Variants in OPCML observed in about 807,000 individuals in gnomAD.
OPCML encodes the protein opioid-binding protein/cell adhesion molecule.
In OPCML, 13 loss-of-function variants were observed where a neutral mutation model predicts 37.8. The ratio of observed to expected loss-of-function variants is 0.34; its 90% CI spans 0.22 to 0.55. The LOEUF (loss-of-function observed/expected upper bound fraction) is 0.55. Among genes scored for constraint, OPCML ranks in the 20% least tolerant of loss-of-function variants. OPCML has a pLI of 0.91. For synonymous variants in OPCML, 176 were observed against 168.8 expected (o/e 1.04, Z -0.33); for missense variants, 341 against 435.6 (o/e 0.78, Z 1.93).
chr11:133,156,659 C>T (rs1950066829), intron 1 of OPCML, among the ~76,000 whole-genome samples: 1 of 152,080 alleles, frequency 6.6e-6, no homozygotes, highest in South Asian at 2.1e-4. Context: ...AACAATTTAC[C>T]ACAAGGCTAC....
chr11:133,353,038 T>A (rs958945354), intron 1 of OPCML, among the ~76,000 whole-genome samples: 2 of 152,248 alleles, frequency 1.3e-5, no homozygotes, highest in Admixed American at 1.3e-4. Flanking sequence ...AGGCTGTATG[T>A]CTAAATATCT....
At position 133,532,472 on chromosome 11, in the gene OPCML, G is replaced by C; in HGVS notation, c.-148C>G. 1.1e-6 allele frequency: 1 copy of C among 875,372 alleles called. No individual in the cohort carries two copies. Among genetic ancestry groups the C allele is most frequent in the Non-Finnish European group, 1.8e-6 (1 of 550,904 alleles). 54.2% of individuals were successfully genotyped at this position (875,372 alleles called of 1,614,324 possible). A position where few individuals can be genotyped will look rare whatever the true frequency, so the allele number is the denominator to read the frequency against. On this transcript the variant is annotated 5_prime_UTR_variant, in exon 1 of 8. Transcript: ENST00000524381. ...AGAGCAGAAGAGAGAGAGAGCGCGC[G>C]AGAGATGGGAGCAGGCAGGCAGCGT...
intron 1 of OPCML, among the ~76,000 whole-genome samples, chr11:133,467,741 C>T (rs1032212547): frequency 2.6e-5 from 4 of 152,110 alleles, no homozygotes; most frequent in South Asian, 4.1e-4. Flanking sequence ...TCTGACTCCC[C>T]GGCCTTCTTC....
chr11:132,923,492 T>C (rs1416975511), intron 2 of OPCML, among the ~76,000 whole-genome samples: 1 of 152,180 alleles, frequency 6.6e-6, no homozygotes, highest in Non-Finnish European at 1.5e-5. Flanking sequence ...ATCTGAAAGA[T>C]GAGTAAGACC....
At chr11:133,203,562 T>G (rs1488709791) in intron 1 of OPCML, among the ~76,000 whole-genome samples, 1 of 152,164 alleles carries the variant, frequency 6.6e-6, no homozygotes, top group Admixed American at 6.5e-5. Context: ...TTGTGAGTTA[T>G]CTGTATAAAG....
rs368915223 is a variant in OPCML, at chr11:132,595,963, C to T, written c.379+61124G>A. 2.0e-5 allele frequency among the ~76,000 whole-genome samples: 3 copies of T among 152,138 alleles called. No homozygotes were observed. In the East Asian group the frequency reaches 5.8e-4, roughly 29 times the overall value. On this transcript the variant is annotated intron_variant, in intron 3 of 7. Coordinates refer to ENST00000524381, the MANE Select transcript of OPCML (RefSeq NM_001012393.5). ...ACTTACCCTCTATTGTATTTGGCTA[C>T]AATTTCAATGAGTAAGTGATACATT...
At chr11:133,313,268 TA>T (rs1183591540) in intron 1 of OPCML, among the ~76,000 whole-genome samples, 2 of 152,210 alleles carry the variant, frequency 1.3e-5, no homozygotes, top group African/African-American at 4.8e-5. Flanking sequence ...ATGAATGACA[TA>T]TTCAGGATTT....
intron 4 of OPCML, among the ~76,000 whole-genome samples, chr11:132,512,148 A>G (rs1273617728): frequency 6.6e-6 from 1 of 152,084 alleles, no homozygotes; most frequent in Non-Finnish European, 1.5e-5. Flanking sequence ...AAGAAAAACA[A>G]CTCAAAACCA....
chr11:132,518,220 C>T (rs546737397), intron 4 of OPCML, among the ~76,000 whole-genome samples: 1 of 152,206 alleles, frequency 6.6e-6, no homozygotes, highest in Admixed American at 6.5e-5. Context: ...TGATGCTCTC[C>T]CTCCCATTGC....
intron 2 of OPCML, among the ~76,000 whole-genome samples, chr11:132,856,731 T>C (rs1198009741): frequency 6.6e-6 from 1 of 152,122 alleles, no homozygotes; most frequent in Admixed American, 6.5e-5. Flanking sequence ...AAGCACACTG[T>C]GCATGTGGCC....
At chr11:132,860,097 GGAAA>G (rs1226074990) in intron 2 of OPCML, 1 of 152,230 alleles carries the variant, frequency 6.6e-6, no homozygotes, top group Non-Finnish European at 1.5e-5. Flanking sequence ...AACTGTGGTA[GGAAA>G]GACTGAATTT....
chr11:133,287,275 CTT>C (rs760838065), intron 1 of OPCML, among the ~76,000 whole-genome samples: 4 of 120,968 alleles, frequency 3.3e-5, no homozygotes, highest in Non-Finnish European at 7.1e-5. Flanking sequence ...TTCTTTCTTT[CTT>C]TTTTTTTTTT....
intron 1 of OPCML, among the ~76,000 whole-genome samples, chr11:133,042,187 G>T (rs147365167): frequency 6.6e-6 from 1 of 152,174 alleles, no homozygotes; most frequent in South Asian, 2.1e-4. Flanking sequence ...CAGCTGCAGC[G>T]TTCAAGGAAT....
intron 4 of OPCML, among the ~76,000 whole-genome samples, chr11:132,497,112 C>G (rs945247454): frequency 6.6e-6 from 1 of 152,024 alleles, no homozygotes; most frequent in Non-Finnish European, 1.5e-5. Flanking sequence ...GGAGCTGAAA[C>G]CCATTATCCT....
intron 2 of OPCML, among the ~76,000 whole-genome samples, chr11:132,687,369 C>CAT (rs56834972): frequency 3.6e-4 from 18 of 49,422 alleles, no homozygotes; most frequent in South Asian, 7.0e-4. Flanking sequence ...CCTTAAGCTA[C>CAT]ATATATATAT....
intron 4 of OPCML, among the ~76,000 whole-genome samples, chr11:132,457,910 C>G (rs1343919886): frequency 5.9e-5 from 9 of 152,188 alleles, no homozygotes; most frequent in Admixed American, 5.9e-4. Flanking sequence ...TGGGTCCACG[C>G]TAGTGAAAAG....
At chr11:133,243,103 T>C (rs773097376) in intron 1 of OPCML, among the ~76,000 whole-genome samples, 13 of 152,144 alleles carry the variant, frequency 8.5e-5, no homozygotes, top group Non-Finnish European at 1.3e-4. Context: ...TGGAGAGACC[T>C]GTGAAACTCC....
At chr11:133,524,657 G>A (rs1948455543) in intron 1 of OPCML, among the ~76,000 whole-genome samples, 1 of 152,258 alleles carries the variant, frequency 6.6e-6, no homozygotes, top group South Asian at 2.1e-4. Context: ...TGCGATGTGA[G>A]ATCCAAAAGT....
At chr11:132,756,439 CT>C (rs1946048537) in intron 2 of OPCML, among the ~76,000 whole-genome samples, 1 of 152,178 alleles carries the variant, frequency 6.6e-6, no homozygotes, top group Admixed American at 6.5e-5. Flanking sequence ...CGTACATTTC[CT>C]TTCATAATAC....
Sources: allele counts gnomAD v4.1 joint callset (sites outside exome capture counted in the v4.1 genomes callset), GRCh38; gene constraint gnomAD v4.1.1; transcripts MANE v1.5; gene names NCBI Gene and HGNC (gene_info 2026-07-23, HGNC 2026-07-21).